The following TRPC6 variants were observed in gnomAD, a reference collection of about 807,000 sequenced individuals.
The protein encoded by TRPC6 is short transient receptor potential channel 6.
In TRPC6, 55 loss-of-function variants were observed where a neutral mutation model predicts 90.7. The ratio of observed to expected loss-of-function variants is 0.61; its 90% CI spans 0.49 to 0.76. The LOEUF is 0.76. Among genes scored for constraint, TRPC6 ranks in the 30% least tolerant of loss-of-function variants. The pLI, the probability that TRPC6 is intolerant of heterozygous loss-of-function variation, is 0.00. For synonymous variants in TRPC6, 393 were observed against 393.0 expected (o/e 1.00, Z 0.00); for missense variants, 989 against 1,122.7 (o/e 0.88, Z 1.70).
chr11:101,456,533 C>T (rs533015568), intron 10 of TRPC6, among the ~76,000 whole-genome samples: 1 of 152,272 alleles, frequency 6.6e-6, no homozygotes, highest in East Asian at 1.9e-4. Context: ...ACCATCTATT[C>T]ATTAACTCAC....
chr11:101,565,731 T>C (rs895175818), intron 1 of TRPC6, among the ~76,000 whole-genome samples: 5 of 152,138 alleles, frequency 3.3e-5, no homozygotes, highest in Non-Finnish European at 5.9e-5. Context: ...AATTAGAATG[T>C]ACTATTTTCT....
chr11:101,463,300 G>A (rs538758723), intron 10 of TRPC6, among the ~76,000 whole-genome samples: 1 of 152,262 alleles, frequency 6.6e-6, no homozygotes, highest in East Asian at 1.9e-4. Context: ...CTAGGTTTTT[G>A]TAACAGGATG....
At chr11:101,579,928 C>A (rs1006380534) in intron 1 of TRPC6, among the ~76,000 whole-genome samples, 3 of 152,188 alleles carry the variant, frequency 2.0e-5, no homozygotes, top group African/African-American at 7.2e-5. Context: ...ACCACATCAT[C>A]ACTTCACAAT....
intron 7 of TRPC6, among the ~76,000 whole-genome samples, 198 bp downstream of exon 7, chr11:101,473,309 TAA>T (rs557680604): frequency 2.7e-4 from 41 of 152,256 alleles, no homozygotes; most frequent in Middle Eastern, 3.4e-3. Flanking sequence ...TCTAAAAATG[TAA>T]GTTATTATTT....
chr11:101,519,666 T>C (rs1278972779), intron 1 of TRPC6, among the ~76,000 whole-genome samples: 1 of 152,020 alleles, frequency 6.6e-6, no homozygotes, highest in Non-Finnish European at 1.5e-5. Flanking sequence ...TCCAAAACCA[T>C]TTAATCAGGA....
chr11:101,491,836 C>CTTTTTTTTTTTTT lies in TRPC6; in HGVS notation c.946-111_946-99dup, dbSNP rs71056611. The stretch of plus-strand genomic sequence containing the variant: ...GATTTTATACTTTAAGAGAAACATT[C>CTTTTTTTTTTTTT]TTTTTTTTTTTTTTTTTTTTTTGAG... On this transcript the variant is annotated intron_variant, in intron 2 of 12. Coordinates refer to ENST00000344327, the MANE Select transcript of TRPC6 (RefSeq NM_004621.6). 7 of 445,044 alleles carry CTTTTTTTTTTTTT rather than the reference C, an allele frequency of 1.6e-5. 1 individual carries two copies. In the African/African-American group the frequency reaches 1.7e-4, roughly 11 times the overall value. 27.6% of individuals were successfully genotyped at this position (445,044 alleles called of 1,614,324 possible).
intron 1 of TRPC6, among the ~76,000 whole-genome samples, chr11:101,573,532 A>G (rs1862008145): frequency 6.6e-6 from 1 of 152,134 alleles, no homozygotes; most frequent in Non-Finnish European, 1.5e-5. Context: ...GCATAGTCTT[A>G]TCTGTGTTTT....
intron 1 of TRPC6, among the ~76,000 whole-genome samples, chr11:101,571,949 C>T (rs1382396979): frequency 1.3e-5 from 2 of 152,178 alleles, no homozygotes; most frequent in Admixed American, 1.3e-4. Flanking sequence ...CCATTCGGGA[C>T]ATAGGCATGG....
At chr11:101,561,913 T>C (rs1861723124) in intron 1 of TRPC6, among the ~76,000 whole-genome samples, 1 of 151,734 alleles carries the variant, frequency 6.6e-6, no homozygotes, top group Non-Finnish European at 1.5e-5. Flanking sequence ...TTAAAGAATA[T>C]ACATTAAAAT....
At chr11:101,526,168 CTCTCTT>C (rs138605034) in intron 1 of TRPC6, among the ~76,000 whole-genome samples, 100 of 152,302 alleles carry the variant, frequency 6.6e-4, no homozygotes, top group African/African-American at 2.1e-3. Context: ...ATCTCTCTCT[CTCTCTT>C]TGTCCTTCTC....
In TRPC6 at chr11:101,471,256, T is replaced by C. The variant is rs1446204447; in HGVS notation, c.2336A>G (p.Lys779Arg). 1 of 1,613,882 alleles carries C rather than the reference T, an allele frequency of 6.2e-7. No individual in the cohort carries two copies. Among genetic ancestry groups the C allele is most frequent in the East Asian group, 2.2e-5 (1 of 44,888 alleles). ...CAGCTCAGAAATCCATTTTTTAAGC[T>C]TCAGTAAGAGATAAAACAGGGACTT... ...SPKSLFYLLL[K>R]LKKWISELFQ... The change falls in exon 9 of 13, where the codon AAG becomes AGG. Residue 779 changes from lysine (K) to arginine (R), a missense_variant. This residue lies in a region of TRPC6 where 191 missense variants were observed against 196.7 expected (regional missense o/e 0.97). Coordinates refer to ENST00000344327, the MANE Select transcript of TRPC6 (RefSeq NM_004621.6).
chr11:101,538,869 G>A (rs1268048802), intron 1 of TRPC6, among the ~76,000 whole-genome samples: 2 of 152,182 alleles, frequency 1.3e-5, no homozygotes, highest in African/African-American at 4.8e-5. Flanking sequence ...AGAGACCTCA[G>A]TCCTTCAACT....
In TRPC6 at chr11:101,453,059, G is replaced by T; in HGVS notation, c.2692C>A (p.Leu898Ile). ...KQDISSLRYE[L>I]LEEKSQNTED... is the part of the protein sequence containing the mutation. ...GTATTCTGAGATTTTTCTTCAAGGA[G>T]TTCATAGCGGAGACTTGAGATGTCC... Residue 898 changes from leucine to isoleucine, a missense_variant, in exon 13 of 13, where the codon CTC (leucine) becomes ATC (isoleucine). Physicochemically the swap from Leu to Ile is conservative, Grantham distance 5 (BLOSUM62 2). This residue lies in a region of TRPC6 where 191 missense variants were observed against 196.7 expected (regional missense o/e 0.97). Transcript: ENST00000344327. 6.2e-7 allele frequency: 1 copy of T among 1,613,824 alleles called. No individual in the cohort carries two copies.
intron 2 of TRPC6, among the ~76,000 whole-genome samples, chr11:101,492,568 G>C (rs1859854559): frequency 7.2e-6 from 1 of 138,858 alleles, no homozygotes; most frequent in Non-Finnish European, 1.5e-5. Flanking sequence ...GGGCAACAAA[G>C]CGAGACCCTG....
At chr11:101,462,242 G>T (rs1859021864) in intron 10 of TRPC6, among the ~76,000 whole-genome samples, 1 of 152,178 alleles carries the variant, frequency 6.6e-6, no homozygotes, top group African/African-American at 2.4e-5. Context: ...GAAGTCAGGA[G>T]CGTGATGCCT....
At chr11:101,549,659 T>C (rs1861408787) in intron 1 of TRPC6, among the ~76,000 whole-genome samples, 1 of 148,298 alleles carries the variant, frequency 6.7e-6, no homozygotes. Context: ...AAAAAAGGGA[T>C]AAAAAAGAAA....
chr11:101,535,820 G>C (rs2136808440), intron 1 of TRPC6, among the ~76,000 whole-genome samples: 1 of 152,280 alleles, frequency 6.6e-6, no homozygotes, highest in East Asian at 1.9e-4. Flanking sequence ...AATGGCTATA[G>C]AATGTGAGAA....
chr11:101,485,158 G>C (rs1007625690), intron 4 of TRPC6, among the ~76,000 whole-genome samples: 3 of 100,302 alleles, frequency 3.0e-5, no homozygotes, highest in Admixed American at 8.5e-5. Context: ...CACACACACA[G>C]AGTTTTAAAG....
chr11:101,582,190 C>A (rs1232247902), intron 1 of TRPC6, among the ~76,000 whole-genome samples: 1 of 152,150 alleles, frequency 6.6e-6, no homozygotes, highest in Non-Finnish European at 1.5e-5. Context: ...AACTATTCTC[C>A]TTTATCTTTG....
Sources: allele counts gnomAD v4.1 joint callset (sites outside exome capture counted in the v4.1 genomes callset), GRCh38; gene constraint gnomAD v4.1.1; regional missense constraint gnomAD v4.1.1; transcripts MANE v1.5; gene names NCBI Gene and HGNC (gene_info 2026-07-23, HGNC 2026-07-21).